NELL2: variants seen among roughly 807,000 people sequenced by gnomAD.
NELL2 encodes the protein protein kinase C-binding protein NELL2.
In NELL2, 41 loss-of-function variants were observed where a neutral mutation model predicts 109.6. The observed-to-expected ratio is 0.37, with a 90% CI of 0.29 to 0.49. NELL2 has a LOEUF of 0.49. Among genes scored for constraint, NELL2 ranks in the 20% least tolerant of loss-of-function variants. The probability of loss-of-function intolerance (pLI) is 0.98; values close to 1 mark genes in which losing one functional copy is unlikely to be tolerated. For synonymous variants in NELL2, 355 were observed against 344.7 expected (o/e 1.03, Z -0.33); for missense variants, 900 against 1,008.3 (o/e 0.89, Z 1.45).
intron 2 of NELL2, among the ~76,000 whole-genome samples, chr12:44,870,634 A>AG (rs1945134981): frequency 6.6e-6 from 1 of 152,106 alleles, no homozygotes; most frequent in South Asian, 2.1e-4. Context: ...GCATCTAAAA[A>AG]CTGCCTGCAG....
Position 44,568,528 on chromosome 12 carries a change from A to G in NELL2, c.1664-35807T>C, listed in dbSNP as rs1943745381. Among the ~76,000 whole-genome samples, 6 of 152,198 alleles carry G rather than the reference A, an allele frequency of 3.9e-5. 1 individual carries two copies. The South Asian group carries it at 1.2e-3, about 32-fold the overall frequency. ...TTTTACAGTTTATCATATCATCACT[A>G]TAATGTTTAAAAGATAATAACTTAG... On this transcript the variant is annotated intron_variant, in intron 15 of 19. Coordinates refer to ENST00000429094, the MANE Select transcript of NELL2 (RefSeq NM_001145108.2).
chr12:44,519,878 C>T (rs1446436438), intron 19 of NELL2, 127 bp downstream of exon 19: 1 of 801,902 alleles, frequency 1.2e-6, no homozygotes, highest in South Asian at 1.6e-5. Context: ...TTCCGCCCAC[C>T]TATGTTTGAA....
chr12:44,523,509 C>A, intron 16 of NELL2, 25 bp from the exon 17 acceptor site: 1 of 1,605,040 alleles, frequency 6.2e-7, no homozygotes, highest in South Asian at 1.1e-5. Flanking sequence ...AAGCAGCACT[C>A]AATGTGCTTA....
intron 11 of NELL2, among the ~76,000 whole-genome samples, chr12:44,704,503 A>G (rs1253682238): frequency 6.6e-6 from 1 of 152,086 alleles, no homozygotes; most frequent in African/African-American, 2.4e-5. Flanking sequence ...ACATTTTATA[A>G]ATAGTGACAG....
upstream of NELL2, among the ~76,000 whole-genome samples, chr12:44,915,834 T>C (rs1215064533): frequency 6.6e-6 from 1 of 152,196 alleles, no homozygotes; most frequent in Non-Finnish European, 1.5e-5. Flanking sequence ...TATTGCTCAG[T>C]AATTTGTGTT....
chr12:44,641,096 C>A (rs1283284405), intron 13 of NELL2, among the ~76,000 whole-genome samples: 2 of 151,972 alleles, frequency 1.3e-5, no homozygotes, highest in South Asian at 2.1e-4. Context: ...GAGAAAAGAA[C>A]AGAAAGAAGA....
At chr12:44,782,146 C>G (rs1370712910) in intron 3 of NELL2, among the ~76,000 whole-genome samples, 1 of 151,682 alleles carries the variant, frequency 6.6e-6, no homozygotes, top group African/African-American at 2.4e-5. Flanking sequence ...GGTAAAGAAA[C>G]ATAAAGACAG....
chr12:44,572,972 G>A (rs994612633), intron 15 of NELL2, among the ~76,000 whole-genome samples: 9 of 152,220 alleles, frequency 5.9e-5, no homozygotes, highest in African/African-American at 2.2e-4. Flanking sequence ...GGCATGCACA[G>A]CAGGGCTGAT....
intron 9 of NELL2, among the ~76,000 whole-genome samples, chr12:44,730,598 C>G (rs540225680): frequency 2.2e-4 from 34 of 151,926 alleles, no homozygotes; most frequent in African/African-American, 8.0e-4. Flanking sequence ...AAAATAAAAA[C>G]ATCACATAAT....
chr12:44,602,625 A>T (rs1347365949), intron 15 of NELL2, among the ~76,000 whole-genome samples: 1 of 152,120 alleles, frequency 6.6e-6, no homozygotes, highest in Non-Finnish European at 1.5e-5. Flanking sequence ...TTTCTCACAT[A>T]AAGATATATA....
chr12:44,508,885 T>A lies in NELL2; in HGVS notation c.*49A>T. The A allele has an allele frequency of 6.5e-7, 1 of 1,532,258 alleles. No individual in the cohort carries two copies. The highest frequency in any genetic ancestry group is 8.9e-7 in the Non-Finnish European group (1 of 1,117,840). 94.9% of individuals were successfully genotyped at this position (1,532,258 alleles called of 1,614,324 possible). On this transcript the variant is annotated 3_prime_UTR_variant, in exon 20 of 20. Transcript: ENST00000429094. The stretch of plus-strand genomic sequence containing the variant: ...AAGTTTTAACTTCTTTTTGGTCTTT[T>A]AATGAAAGAACATTCTTTTAACAGA...
intron 15 of NELL2, among the ~76,000 whole-genome samples, chr12:44,562,149 T>G (rs1289968885): frequency 6.6e-6 from 1 of 152,162 alleles, no homozygotes; most frequent in Non-Finnish European, 1.5e-5. Flanking sequence ...TCCTTACACC[T>G]TATACAAAAA....
chr12:44,861,668 T>C (rs1944848280), intron 2 of NELL2, among the ~76,000 whole-genome samples: 1 of 152,094 alleles, frequency 6.6e-6, no homozygotes, highest in Admixed American at 6.5e-5. Flanking sequence ...GGTCTAAGGA[T>C]GCCCATTCCA....
chr12:44,528,097 CAAAAAAAAAAAAAA>C (rs71093812), intron 16 of NELL2, among the ~76,000 whole-genome samples: 5 of 21,988 alleles, frequency 2.3e-4, no homozygotes, highest in Non-Finnish European at 3.2e-4. Flanking sequence ...GACTCCGTCT[CAAAAAAAAAAAAAA>C]AAAAAAAAAA....
intron 15 of NELL2, among the ~76,000 whole-genome samples, chr12:44,550,725 G>A (rs939722227): frequency 2.6e-5 from 4 of 152,118 alleles, no homozygotes; most frequent in Admixed American, 6.5e-5. Flanking sequence ...CAACACGGAC[G>A]GACCAGGAGG....
Position 44,806,138 on chromosome 12 carries a change from G to A in NELL2, c.335+9848C>T, listed in dbSNP as rs568671957. Among the ~76,000 whole-genome samples, 15 of 151,174 alleles carry A rather than the reference G, an allele frequency of 9.9e-5. 1 individual carries two copies. The South Asian group carries it at 3.1e-3, about 32-fold the overall frequency. On this transcript the variant is annotated intron_variant, in intron 3 of 19. Coordinates refer to ENST00000429094, the MANE Select transcript of NELL2 (RefSeq NM_001145108.2). Reference sequence around the variant, plus strand: ...ATAAAAAAACCATAAAAACTTAAAGGCAAATTAAAAATATAGACGATAATG... The same window carrying A: ...ATAAAAAAACCATAAAAACTTAAAGACAAATTAAAAATATAGACGATAATG...
chr12:44,694,295 C>T (rs964907648), intron 12 of NELL2, among the ~76,000 whole-genome samples: 1 of 152,028 alleles, frequency 6.6e-6, no homozygotes, highest in Non-Finnish European at 1.5e-5. Context: ...TGCCTGAGTC[C>T]TTGAATTAGA....
intron 9 of NELL2, among the ~76,000 whole-genome samples, chr12:44,737,329 C>T (rs1672123826): frequency 7.7e-6 from 1 of 129,862 alleles, no homozygotes; most frequent in Non-Finnish European, 1.8e-5. Context: ...ACAGTCTCAA[C>T]ATGCACACAT....
intron 13 of NELL2, among the ~76,000 whole-genome samples, chr12:44,614,891 A>G (rs1945763154): frequency 6.6e-6 from 1 of 152,124 alleles, no homozygotes; most frequent in African/African-American, 2.4e-5. Flanking sequence ...AGTATAATAT[A>G]AAATGCAAAT....
Sources: allele counts gnomAD v4.1 joint callset (sites outside exome capture counted in the v4.1 genomes callset), GRCh38; gene constraint gnomAD v4.1.1; transcripts MANE v1.5; gene names NCBI Gene and HGNC (gene_info 2026-07-23, HGNC 2026-07-21).